STK33: variants seen among roughly 807,000 people sequenced by gnomAD.
The protein encoded by STK33 is serine/threonine-protein kinase 33.
In STK33, 52 loss-of-function variants were observed where a neutral mutation model predicts 58.0. The observed-to-expected ratio is 0.90, with a 90% CI of 0.72 to 1.13. The LOEUF is 1.13. STK33 is among the 50% of genes most tolerant of loss of function. The pLI, the probability that STK33 is intolerant of heterozygous loss-of-function variation, is 0.00. For synonymous variants in STK33, 215 were observed against 200.1 expected (o/e 1.07, Z -0.63); for missense variants, 630 against 604.2 (o/e 1.04, Z -0.45).
chr11:8,559,208 G>A (rs1956964420), intron 1 of STK33, among the ~76,000 whole-genome samples: 1 of 152,154 alleles, frequency 6.6e-6, no homozygotes, highest in Non-Finnish European at 1.5e-5. Flanking sequence ...ATCTTCTCCT[G>A]TCATCATGAG....
At chr11:8,449,035 C>G (rs1247572540) in intron 11 of STK33, among the ~76,000 whole-genome samples, 1 of 151,672 alleles carries the variant, frequency 6.6e-6, no homozygotes, top group African/African-American at 2.4e-5. Flanking sequence ...TGAAAAAATG[C>G]TCATCATCAC....
chr11:8,534,707 A>T (rs1954856847), intron 1 of STK33, among the ~76,000 whole-genome samples: 1 of 151,936 alleles, frequency 6.6e-6, no homozygotes. Flanking sequence ...TTAAATCATC[A>T]TCCATTGAAA....
In STK33 at chr11:8,473,297, A is replaced by G. The variant is rs764976187; in HGVS notation, c.226-21T>C. On this transcript the variant is annotated intron_variant, in intron 5 of 15. Coordinates refer to ENST00000687296, the MANE Select transcript of STK33 (RefSeq NM_001352389.2). ...GAGGGCTGGGACCAAAAAAAAAATT[A>G]AAAAAAAAAAACTTTAAGATGTAAT... The G allele has an allele frequency of 5.7e-5, 62 of 1,078,614 alleles. No individual in the cohort carries two copies. In the African/African-American group the frequency reaches 9.7e-4, roughly 17 times the overall value. 66.8% of individuals were successfully genotyped at this position (1,078,614 alleles called of 1,614,324 possible).
intron 14 of STK33, among the ~76,000 whole-genome samples, chr11:8,431,220 T>C (rs935430657): frequency 1.3e-5 from 2 of 152,124 alleles, no homozygotes; most frequent in African/African-American, 4.8e-5. Context: ...TATATTCATA[T>C]ACATAAGATA....
chr11:8,498,816 C>T (rs756615405), intron 1 of STK33, among the ~76,000 whole-genome samples: 2 of 152,102 alleles, frequency 1.3e-5, no homozygotes, highest in Non-Finnish European at 2.9e-5. Context: ...AAACCTGACA[C>T]AAACAGCAAT....
At chr11:8,573,581 A>G (rs571816293) in intron 1 of STK33, among the ~76,000 whole-genome samples, 1 of 152,328 alleles carries the variant, frequency 6.6e-6, no homozygotes, top group African/African-American at 2.4e-5. Context: ...ACTCTTGGGC[A>G]TTTATCCCAA....
the STK33 span, among the ~76,000 whole-genome samples, chr11:8,349,897 T>C: frequency 2.0e-5 from 3 of 152,228 alleles, no homozygotes; most frequent in South Asian, 2.1e-4. Context: ...CCCTCCTTCA[T>C]AAATCATGTG....
chr11:8,360,442 A>G, the STK33 span, among the ~76,000 whole-genome samples: 4 of 152,258 alleles, frequency 2.6e-5, no homozygotes, highest in Admixed American at 2.0e-4. Context: ...TCCATTGTCC[A>G]ATACAAGTCA....
chr11:8,339,488 G>C, the STK33 span, among the ~76,000 whole-genome samples: 1 of 152,356 alleles, frequency 6.6e-6, no homozygotes, highest in East Asian at 1.9e-4. Context: ...CTAGCCAGCA[G>C]AATAATAAAT....
intron 1 of STK33, among the ~76,000 whole-genome samples, chr11:8,576,164 G>A (rs1001394282): frequency 6.6e-6 from 1 of 152,164 alleles, no homozygotes; most frequent in Non-Finnish European, 1.5e-5. Flanking sequence ...ACTGAATGGG[G>A]AGTTGAAAAC....
chr11:8,391,083 A>G (rs1395297045), downstream of STK33, among the ~76,000 whole-genome samples: 1 of 152,106 alleles, frequency 6.6e-6, no homozygotes. Context: ...CTTTGAGACT[A>G]CTAGGGAAGG....
intron 1 of STK33, among the ~76,000 whole-genome samples, chr11:8,486,928 T>C (rs11041948): frequency 0.093 from 14,119 of 151,966 alleles, 1,549 homozygotes; most frequent in African/African-American, 0.27. Context: ...AGTCAATACA[T>C]TGAAAACTGA....
intron 1 of STK33, among the ~76,000 whole-genome samples, chr11:8,490,746 T>C (rs12576961): frequency 0.23 from 35,227 of 152,110 alleles, 4,371 homozygotes; most frequent in Middle Eastern, 0.31. Context: ...ATATTTGCTG[T>C]TCTGCAATCT....
intron 15 of STK33, among the ~76,000 whole-genome samples, chr11:8,411,567 C>T (rs1458171593): frequency 6.6e-6 from 1 of 152,162 alleles, no homozygotes; most frequent in Non-Finnish European, 1.5e-5. Context: ...TTGAGAAATT[C>T]CCAAACCTAA....
chr11:8,366,754 C>T, the STK33 span, among the ~76,000 whole-genome samples: 1 of 152,216 alleles, frequency 6.6e-6, no homozygotes, highest in Admixed American at 6.5e-5. Flanking sequence ...ATACATCTGC[C>T]ACAGGGATCG....
At chr11:8,528,999 TA>T (rs1434906518) in intron 1 of STK33, among the ~76,000 whole-genome samples, 1 of 152,198 alleles carries the variant, frequency 6.6e-6, no homozygotes, top group Non-Finnish European at 1.5e-5. Flanking sequence ...ATAGCATCAT[TA>T]TCCATTTTTC....
chr11:8,375,899 A>C, the STK33 span, among the ~76,000 whole-genome samples: 17 of 152,216 alleles, frequency 1.1e-4, no homozygotes, highest in East Asian at 3.3e-3. Context: ...AAATTGGAAA[A>C]GAGTCTCTGG....
At chr11:8,548,799 T>C (rs545612759) in intron 1 of STK33, among the ~76,000 whole-genome samples, 1 of 152,214 alleles carries the variant, frequency 6.6e-6, no homozygotes, top group Admixed American at 6.5e-5. Context: ...ATTTTATCAT[T>C]TGCATTATAA....
chr11:8,458,478 G>A (rs1947146599), intron 8 of STK33, among the ~76,000 whole-genome samples: 1 of 150,094 alleles, frequency 6.7e-6, no homozygotes, highest in Non-Finnish European at 1.5e-5. Flanking sequence ...GTAGTATGCT[G>A]ACTTTTGTTT....
Sources: allele counts gnomAD v4.1 joint callset (sites outside exome capture counted in the v4.1 genomes callset), GRCh38; gene constraint gnomAD v4.1.1; transcripts MANE v1.5; gene names NCBI Gene and HGNC (gene_info 2026-07-23, HGNC 2026-07-21).